SLC10A7: variants seen among roughly 807,000 people sequenced by gnomAD.
SLC10A7 encodes the protein solute carrier family 10 member 7.
A neutral mutation model predicts 43.2 loss-of-function variants in SLC10A7; 29 were observed. The observed-to-expected ratio is 0.67, with a 90% CI of 0.50 to 0.92. SLC10A7 has a LOEUF of 0.92. Among genes scored for constraint, SLC10A7 ranks in the 40% least tolerant of loss-of-function variants. The probability of loss-of-function intolerance (pLI) is 0.00; values close to 1 mark genes in which losing one functional copy is unlikely to be tolerated. For missense variants in SLC10A7, 295 were observed against 403.2 expected, an observed-to-expected ratio of 0.73 and a Z score of 2.30; for synonymous variants, 152 against 144.8, an observed-to-expected ratio of 1.05 and a Z score of -0.35.
At chr4:146,322,966 T>C (rs1343265279) in intron 6 of SLC10A7, among the ~76,000 whole-genome samples, 1 of 152,242 alleles carries the variant, frequency 6.6e-6, no homozygotes, top group Non-Finnish European at 1.5e-5. Context: ...ATTTCTCTGA[T>C]GGCCAGTGAT....
At chr4:146,277,574 G>C (rs1446378858) in intron 10 of SLC10A7, among the ~76,000 whole-genome samples, 2 of 152,124 alleles carry the variant, frequency 1.3e-5, no homozygotes, top group Non-Finnish European at 2.9e-5. Flanking sequence ...GCATCTTTAA[G>C]AATCTGTCAA....
chr4:146,292,320 T>G (rs1396514519), intron 9 of SLC10A7, among the ~76,000 whole-genome samples: 1 of 152,132 alleles, frequency 6.6e-6, no homozygotes, highest in Non-Finnish European at 1.5e-5. Context: ...ATCAGTAAGA[T>G]ATCCATTGAA....
chr4:146,392,494 T>C (rs1738510085), intron 5 of SLC10A7, among the ~76,000 whole-genome samples: 2 of 152,164 alleles, frequency 1.3e-5, no homozygotes, highest in Admixed American at 1.3e-4. Flanking sequence ...TTTATATATG[T>C]GTGCAAAGAT....
intron 10 of SLC10A7, among the ~76,000 whole-genome samples, chr4:146,266,487 A>G (rs748762836): frequency 5.3e-5 from 8 of 152,082 alleles, no homozygotes; most frequent in Admixed American, 1.3e-4. Context: ...TTCAGAGACA[A>G]AATAGTCACA....
At chr4:146,343,750 A>G (rs1180247471) in intron 5 of SLC10A7, among the ~76,000 whole-genome samples, 2 of 152,068 alleles carry the variant, frequency 1.3e-5, no homozygotes, top group Non-Finnish European at 2.9e-5. Flanking sequence ...TGATAGAAAT[A>G]TATGTTTAAC....
Position 146,476,902 on chromosome 4 carries a change from A to T in SLC10A7, c.396+26947T>A, listed in dbSNP as rs542804901. Among the ~76,000 whole-genome samples, 15 of 152,236 alleles carry T rather than the reference A, an allele frequency of 9.9e-5. No homozygotes were observed. In the South Asian group the frequency reaches 3.1e-3, roughly 32 times the overall value. Reference sequence around the variant, plus strand: ...AGAAACACAGGTGTAAAGAGTGAAAAACACAGATCACCCTTTGTCACTGAA... The same window carrying T: ...AGAAACACAGGTGTAAAGAGTGAAATACACAGATCACCCTTTGTCACTGAA... On this transcript the variant is annotated intron_variant, in intron 4 of 11. Coordinates refer to ENST00000335472, the MANE Select transcript of SLC10A7 (RefSeq NM_001029998.6).
intron 4 of SLC10A7, among the ~76,000 whole-genome samples, chr4:146,475,201 C>T (rs942288290): frequency 1.3e-5 from 2 of 152,046 alleles, no homozygotes; most frequent in African/African-American, 2.4e-5. Flanking sequence ...CATTTTTCCC[C>T]AGGCAAAATC....
At chr4:146,390,219 A>G (rs1738321664) in intron 5 of SLC10A7, among the ~76,000 whole-genome samples, 1 of 146,860 alleles carries the variant, frequency 6.8e-6, no homozygotes, top group Non-Finnish European at 1.5e-5. Flanking sequence ...AATTGACAGA[A>G]GGCCATCATG....
chr4:146,453,051 A>T (rs1307082314), intron 4 of SLC10A7, among the ~76,000 whole-genome samples: 1 of 150,362 alleles, frequency 6.7e-6, no homozygotes, highest in Non-Finnish European at 1.5e-5. Context: ...ATATATATAT[A>T]AATATACAAT....
At chr4:146,263,342 C>T (rs1728352351) in intron 10 of SLC10A7, among the ~76,000 whole-genome samples, 3 of 152,170 alleles carry the variant, frequency 2.0e-5, no homozygotes, top group African/African-American at 7.2e-5. Flanking sequence ...TTAGGGTCAG[C>T]AACAGTTTCT....
At chr4:146,332,731 A>G (rs764735922) in intron 5 of SLC10A7, among the ~76,000 whole-genome samples, 10 of 152,202 alleles carry the variant, frequency 6.6e-5, no homozygotes, top group Non-Finnish European at 1.3e-4. Context: ...TAGCAATGCA[A>G]GGACAGAATA....
chr4:146,286,964 T>TTGGAGTGGTGAGAAGGACTGAGTG (rs2111147627), intron 9 of SLC10A7, among the ~76,000 whole-genome samples: 1 of 148,484 alleles, frequency 6.7e-6, no homozygotes, highest in African/African-American at 2.5e-5. Flanking sequence ...AGGACTGAGT[T>TTGGAGTGGTGAGAAGGACTGAGTG]TGGAGTGGTG....
chr4:146,488,231 A>G (rs909899065), intron 4 of SLC10A7, among the ~76,000 whole-genome samples: 1 of 152,174 alleles, frequency 6.6e-6, no homozygotes, highest in Admixed American at 6.5e-5. Context: ...GCATTTCATA[A>G]GATATGCACA....
intron 4 of SLC10A7, among the ~76,000 whole-genome samples, chr4:146,501,134 C>A (rs901963935): frequency 7.2e-5 from 11 of 152,154 alleles, no homozygotes; most frequent in African/African-American, 2.7e-4. Flanking sequence ...TGAACCTCTT[C>A]TCTTTTATAT....
At chr4:146,377,965 G>A (rs879855489) in intron 5 of SLC10A7, among the ~76,000 whole-genome samples, 5 of 152,146 alleles carry the variant, frequency 3.3e-5, no homozygotes, top group Non-Finnish European at 7.4e-5. Flanking sequence ...ACTTATTTGG[G>A]AAAAATAAAA....
At chr4:146,519,192 TATAC>T (rs1276809369) in intron 1 of SLC10A7, among the ~76,000 whole-genome samples, 1 of 136,620 alleles carries the variant, frequency 7.3e-6, no homozygotes. Flanking sequence ...TAATATATAA[TATAC>T]ATAATATCTC....
At chr4:146,414,605 T>C (rs1166167947) in intron 5 of SLC10A7, among the ~76,000 whole-genome samples, 1 of 151,818 alleles carries the variant, frequency 6.6e-6, no homozygotes, top group Non-Finnish European at 1.5e-5. Context: ...ATGTCTGTAA[T>C]CCCAGCTACT....
At chr4:146,467,413 T>C (rs958338227) in intron 4 of SLC10A7, among the ~76,000 whole-genome samples, 1 of 149,360 alleles carries the variant, frequency 6.7e-6, no homozygotes, top group African/African-American at 2.5e-5. Flanking sequence ...AACACTAAAT[T>C]GCTAAGCTCC....
chr4:146,486,661 T>C (rs1734946071), intron 4 of SLC10A7, among the ~76,000 whole-genome samples: 1 of 152,230 alleles, frequency 6.6e-6, no homozygotes, highest in African/African-American at 2.4e-5. Context: ...TTTGGGTTCA[T>C]GGTACCAAAA....
Sources: gnomAD v4.1 joint callset for allele counts (sites outside exome capture counted in the v4.1 genomes callset) on GRCh38, gnomAD v4.1.1 for gene constraint, MANE v1.5 for transcripts, NCBI Gene and HGNC (gene_info 2026-07-23, HGNC 2026-07-21) for gene names.